The following FKBP11 variants were observed in gnomAD, a reference collection of about 807,000 sequenced individuals.
The protein encoded by FKBP11 is peptidyl-prolyl cis-trans isomerase FKBP11.
FKBP11 carries 21 observed loss-of-function variants against 24.7 expected under a neutral mutation model. The ratio of observed to expected loss-of-function variants is 0.85; its 90% CI spans 0.60 to 1.23. The LOEUF (loss-of-function observed/expected upper bound fraction) is 1.23. Among genes scored for constraint, FKBP11 ranks in the 50% most tolerant of loss-of-function variants. FKBP11 has a pLI of 0.00. For synonymous variants in FKBP11, 106 were observed against 100.6 expected, an observed-to-expected ratio of 1.05 and a Z score of -0.32; for missense variants, 245 against 248.7, an observed-to-expected ratio of 0.99 and a Z score of 0.10.
rs930766440 is a variant in FKBP11 at position 48,925,478 on chromosome 12, G to A, written c.-50C>T. 2.6e-6 allele frequency: 4 copies of A among 1,527,452 alleles called. No individual in the cohort carries two copies. Among genetic ancestry groups the A allele is most frequent in the Non-Finnish European group, 3.5e-6 (4 of 1,137,556 alleles). 94.6% of individuals were successfully genotyped at this position (1,527,452 alleles called of 1,614,324 possible). A position where few individuals can be genotyped will look rare whatever the true frequency, so the allele number is the denominator to read the frequency against. On this transcript the variant is annotated 5_prime_UTR_variant, in exon 1 of 6. Coordinates refer to ENST00000550765, the MANE Select transcript of FKBP11 (RefSeq NM_016594.3). ...GGGCACCAGGACAGGCTGTTCGGGT[G>A]GCGGCAGCCAGGACAGCGTTCCCGC...
At chr12:48,925,826 C>A, upstream of FKBP11, 1 of 191,984 alleles carries the variant, frequency 5.2e-6, no homozygotes. Context: ...TCAGGATGTG[C>A]CCAAGGTCAT....
intron 4 of FKBP11, 125 bp downstream of exon 4, chr12:48,924,098 G>A (rs1939898562): frequency 8.5e-7 from 1 of 1,180,212 alleles, no homozygotes; most frequent in Admixed American, 1.9e-5. Flanking sequence ...CCACTGACCT[G>A]GACCTGTCCA....
At chr12:48,922,540 A>C in intron 5 of FKBP11, 2 of 1,024,914 alleles carry the variant, frequency 2.0e-6, no homozygotes, top group Non-Finnish European at 2.3e-6. Context: ...GTATTTCCAA[A>C]TAACCACACG....
rs530852723 is a variant in FKBP11 at position 48,924,754 on chromosome 12, C to T, written c.196-106G>A. The T allele has an allele frequency of 2.1e-5, 32 of 1,544,688 alleles. No individual in the cohort carries two copies. In the Admixed American group the frequency reaches 6.2e-4, roughly 30 times the overall value. On this transcript the variant is annotated intron_variant, in intron 2 of 5. Coordinates refer to ENST00000550765, the MANE Select transcript of FKBP11 (RefSeq NM_016594.3). Reference sequence around the variant, plus strand: ...GGCGGCGGCAGCCCCCTTAGTGCGGCAGCCTAGCGTTCCCCTTACCGCTGT... The same window carrying T: ...GGCGGCGGCAGCCCCCTTAGTGCGGTAGCCTAGCGTTCCCCTTACCGCTGT...
chr12:48,933,626 GA>G, the FKBP11 span, among the ~76,000 whole-genome samples: 1 of 151,584 alleles, frequency 6.6e-6, no homozygotes, highest in African/African-American at 2.4e-5. Flanking sequence ...GCTTGAACCT[GA>G]GAGGCAGAGG....
At position 48,922,097 on chromosome 12, in the gene FKBP11, C is replaced by T. The variant is rs1172598931; in HGVS notation, c.493G>A (p.Val165Met). ...GILPLVGMAM[V>M]PALLGLIGYH... Reference sequence around the variant, plus strand: ...CCAATGAGGCCCAGGAGGGCTGGCACCATGGCCATCCCTACCAGAGGCAAA... The same window carrying T: ...CCAATGAGGCCCAGGAGGGCTGGCATCATGGCCATCCCTACCAGAGGCAAA... The change falls in exon 6 of 6, where the codon GTG becomes ATG. Residue 165 changes from valine to methionine, a missense_variant. Coordinates refer to ENST00000550765, the MANE Select transcript of FKBP11 (RefSeq NM_016594.3). 6.2e-7 allele frequency: 1 copy of T among 1,614,166 alleles called. No homozygotes were observed. The highest frequency in any genetic ancestry group is 8.5e-7 in the Non-Finnish European group (1 of 1,180,004).
chr12:48,926,521 C>CTTTT (rs398019471), upstream of FKBP11: 29,111 of 110,552 alleles, frequency 0.26, 4,374 homozygotes, highest in Admixed American at 0.36. Flanking sequence ...CACCAGATTT[C>CTTTT]TTTTTTTTTT....
chr12:48,932,168 A>AAAATAT, the FKBP11 span, among the ~76,000 whole-genome samples: 31 of 124,010 alleles, frequency 2.5e-4, no homozygotes, highest in Admixed American at 2.6e-3. Flanking sequence ...TAAAAGTAAA[A>AAAATAT]ATATATATAT....
Position 48,924,557 on chromosome 12 carries a change from A to G in FKBP11, c.283+4T>C. ...AGGTGGAATGGGAGGCACAGGTCAC[A>G]TACCTGGAATCACCTGCTTTTGGCC... On this transcript the variant is annotated splice_donor_region_variant and intron_variant, in intron 3 of 5. Transcript: ENST00000550765. The G allele has an allele frequency of 6.2e-7, 1 of 1,613,246 alleles. No individual in the cohort carries two copies. Among genetic ancestry groups the G allele is most frequent in the African/African-American group, 1.3e-5 (1 of 75,018 alleles).
At position 48,925,030 on chromosome 12, in the gene FKBP11, C is replaced by CCCCCCCCCA; in HGVS notation, c.195+15_195+16insTGGGGGGGG. 6.2e-7 allele frequency: 1 copy of CCCCCCCCCA among 1,610,568 alleles called. No homozygotes were observed. Among genetic ancestry groups the CCCCCCCCCA allele is most frequent in the Non-Finnish European group, 8.5e-7 (1 of 1,178,532 alleles). On this transcript the variant is annotated intron_variant, in intron 2 of 5. Coordinates refer to ENST00000550765, the MANE Select transcript of FKBP11 (RefSeq NM_016594.3). ...GCCCCCTCCCAGGCCCCGCCCCGGC[C>CCCCCCCCCA]CCCCAGACCCCTCACCGTGTAGTGT... is the stretch of plus-strand genomic sequence containing the variant.
the FKBP11 span, chr12:48,938,886 G>A: frequency 1.3e-6 from 2 of 1,578,730 alleles, no homozygotes; most frequent in South Asian, 2.4e-5. Context: ...GTAGGACTGG[G>A]GCAGGGTGAC....
the FKBP11 span, among the ~76,000 whole-genome samples, chr12:48,932,168 A>AATATAT: frequency 7.1e-3 from 875 of 123,998 alleles, 13 homozygotes; most frequent in East Asian, 0.046. Flanking sequence ...TAAAAGTAAA[A>AATATAT]ATATATATAT....
At chr12:48,938,314 G>A in the FKBP11 span, 1 of 448,734 alleles carries the variant, frequency 2.2e-6, no homozygotes, top group South Asian at 1.6e-5. Context: ...AGTCCGGCTT[G>A]ACTAATGCCC....
the FKBP11 span, chr12:48,938,138 T>C: frequency 3.1e-6 from 1 of 325,718 alleles, no homozygotes; most frequent in South Asian, 2.5e-5. Flanking sequence ...CAGAGCAGAG[T>C]GGCATCTCCT....
intron 3 of FKBP11, 102 bp from the exon 4 acceptor site, chr12:48,924,358 C>T (rs2137556312): frequency 6.9e-7 from 1 of 1,455,700 alleles, no homozygotes; most frequent in Non-Finnish European, 9.6e-7. Context: ...TTGACCTTTC[C>T]CTCACTTCTT....
rs760700723 is a variant in FKBP11 at position 48,925,054 on chromosome 12, GTA to G, written c.185_186del (p.Ile62ThrfsTer13). On this transcript the variant is annotated frameshift_variant, in exon 2 of 6. Coordinates refer to ENST00000550765, the MANE Select transcript of FKBP11 (RefSeq NM_016594.3). LOFTEE classifies it high-confidence loss of function. ...CCCCCCAGACCCCTCACCGTGTAGT[GTA>G]TGTGAAGCGTGTCTCCAAAAGCAGC... is the stretch of plus-strand genomic sequence containing the variant. ...EPAAFGDTLH[I>X]HYTGSLVDGR... is the part of the protein sequence containing the mutation. 6.2e-7 allele frequency: 1 copy of G among 1,609,382 alleles called. No homozygotes were observed.
chr12:48,925,017 G>A (rs12424638), intron 2 of FKBP11, 29 bp downstream of exon 2: 114,872 of 1,552,836 alleles, frequency 0.074, 5,080 homozygotes, highest in Middle Eastern at 0.12. Context: ...CCCCTCCCAG[G>A]CCCCGCCCCG....
In FKBP11 at chr12:48,923,381, T is replaced by C. The variant is rs550665402; in HGVS notation, c.388+401A>G. ...TTTTGAATCACTTGACTGTGATTAT[T>C]TTTACTGTCTCTTCCCTGATGGAGG... On this transcript the variant is annotated intron_variant, in intron 5 of 5. Coordinates refer to ENST00000550765, the MANE Select transcript of FKBP11 (RefSeq NM_016594.3). 176 of 1,452,008 alleles carry C rather than the reference T, an allele frequency of 1.2e-4. 1 individual carries two copies. In the East Asian group the frequency reaches 4.3e-3, roughly 35 times the overall value. The allele number at this position is 1,452,008 out of a possible 1,614,324, so 89.9% of individuals were successfully genotyped here.
At chr12:48,923,677 A>G (rs1315217272) in intron 5 of FKBP11, 105 bp downstream of exon 5, 9 of 1,587,892 alleles carry the variant, frequency 5.7e-6, no homozygotes, top group Non-Finnish European at 7.8e-6. Context: ...TGTCTAAACA[A>G]ACTTGGTCTG....
Sources: gnomAD v4.1 joint callset for allele counts (sites outside exome capture counted in the v4.1 genomes callset) on GRCh38, gnomAD v4.1.1 for gene constraint, MANE v1.5 for transcripts, NCBI Gene and HGNC (gene_info 2026-07-23, HGNC 2026-07-21) for gene names.